The following GRIP1 variants were observed in gnomAD, a reference collection of about 807,000 sequenced individuals.
GRIP1 encodes the protein glutamate receptor-interacting protein 1.
A neutral mutation model predicts 129.9 loss-of-function variants in GRIP1; 45 were observed. That is an observed-to-expected ratio of 0.35 (90% confidence interval 0.27 to 0.44). The LOEUF (loss-of-function observed/expected upper bound fraction) is 0.44, where lower values mean the gene tolerates loss of function less well. Ranked by LOEUF, GRIP1 falls within the 20% of genes least tolerant of loss-of-function variation. The probability of loss-of-function intolerance (pLI) is 1.00; values close to 1 mark genes in which losing one functional copy is unlikely to be tolerated. For synonymous variants in GRIP1, 530 were observed against 520.8 expected, an observed-to-expected ratio of 1.02 and a Z score of -0.24; for missense variants, 1,196 against 1,396.8, an observed-to-expected ratio of 0.86 and a Z score of 2.29.
chr12:66,421,235 A>AATT (rs1292654695), intron 14 of GRIP1, among the ~76,000 whole-genome samples: 3 of 152,116 alleles, frequency 2.0e-5, no homozygotes, highest in African/African-American at 7.2e-5. Context: ...AGTGGATAAG[A>AATT]ATTACTGATT....
chr12:66,458,268 G>GT (rs1266024310), intron 9 of GRIP1, among the ~76,000 whole-genome samples: 1 of 152,146 alleles, frequency 6.6e-6, no homozygotes, highest in African/African-American at 2.4e-5. Context: ...CTAGGCCACT[G>GT]TAACACCTTC....
intron 1 of GRIP1, among the ~76,000 whole-genome samples, chr12:67,008,537 C>T (rs2042660246): frequency 6.6e-6 from 1 of 152,124 alleles, no homozygotes; most frequent in South Asian, 2.1e-4. Context: ...CAGTTGGGCA[C>T]AGTGGTTATG....
intron 1 of GRIP1, among the ~76,000 whole-genome samples, chr12:66,627,235 A>G (rs1412250982): frequency 6.6e-6 from 1 of 151,934 alleles, no homozygotes; most frequent in Non-Finnish European, 1.5e-5. Flanking sequence ...CTGTACTGCT[A>G]AGGAGACTGC....
intron 1 of GRIP1, among the ~76,000 whole-genome samples, chr12:66,685,620 A>G (rs1649865552): frequency 6.6e-6 from 1 of 152,202 alleles, no homozygotes; most frequent in Admixed American, 6.5e-5. Flanking sequence ...AAAGAAACAC[A>G]GCTACTTCAA....
chr12:66,527,015 G>C lies in GRIP1; in HGVS notation c.502+2816C>G, dbSNP rs181036226. On this transcript the variant is annotated intron_variant, in intron 5 of 24. Coordinates refer to ENST00000359742, the MANE Select transcript of GRIP1 (RefSeq NM_001366722.1). ...CAGTTAGAATGGCGATCATTAAAAA[G>C]TCAGGTAACAACAGGTGCTGGAGAG... 1.2e-4 allele frequency among the ~76,000 whole-genome samples: 16 copies of C among 138,838 alleles called. 1 individual carries two copies. In the East Asian group the frequency reaches 3.2e-3, roughly 28 times the overall value. The allele number at this position is 138,838 out of a possible 152,430, so 91.1% of individuals were successfully genotyped here.
chr12:66,666,943 G>T (rs1452615684), intron 1 of GRIP1, among the ~76,000 whole-genome samples: 1 of 151,612 alleles, frequency 6.6e-6, no homozygotes, highest in Non-Finnish European at 1.5e-5. Context: ...TCCTTTATAG[G>T]AAACCTATTT....
At chr12:66,793,384 A>C (rs1051945830) in intron 1 of GRIP1, among the ~76,000 whole-genome samples, 8 of 152,182 alleles carry the variant, frequency 5.3e-5, no homozygotes, top group Non-Finnish European at 1.2e-4. Flanking sequence ...CCTTGGTGAT[A>C]AATTTTCTTC....
Position 66,708,996 on chromosome 12 carries a change from A to G in GRIP1, c.-419-78660T>C, listed in dbSNP as rs114090018. On this transcript the variant is annotated intron_variant, in intron 1 of 4. Coordinates refer to the GRIP1 transcript ENST00000538373. ...ATTACCATGTGACATGATTTTTACA[A>G]CCAGAGGAAATTAATATAAAAGAAA... 2.9e-3 allele frequency among the ~76,000 whole-genome samples: 440 copies of G among 151,952 alleles called. 1 individual carries two copies. The highest frequency in any genetic ancestry group is 0.01 in the African/African-American group (422 of 41,522).
intron 2 of GRIP1, among the ~76,000 whole-genome samples, chr12:66,594,121 C>T (rs547228417): frequency 3.3e-5 from 5 of 150,050 alleles, no homozygotes; most frequent in Non-Finnish European, 7.4e-5. Context: ...TTTGCTTACT[C>T]CCCAGCAGCT....
intron 1 of GRIP1, among the ~76,000 whole-genome samples, chr12:66,930,105 CTTTTT>C (rs201467691): frequency 1.5e-5 from 2 of 130,774 alleles, no homozygotes; most frequent in Non-Finnish European, 3.3e-5. Flanking sequence ...CCTTTATACT[CTTTTT>C]TTTTTATTAT....
intron 1 of GRIP1, among the ~76,000 whole-genome samples, chr12:66,836,505 T>G (rs748292651): frequency 1.2e-4 from 18 of 152,164 alleles, no homozygotes; most frequent in Non-Finnish European, 2.6e-4. Context: ...ACTAAAAGAA[T>G]TCCCCCAACC....
chr12:66,646,421 C>T (rs1159150285), intron 1 of GRIP1, among the ~76,000 whole-genome samples: 2 of 152,048 alleles, frequency 1.3e-5, no homozygotes, highest in Non-Finnish European at 2.9e-5. Flanking sequence ...GTCTGGAGTT[C>T]GAGACCAGCC....
intron 13 of GRIP1, among the ~76,000 whole-genome samples, chr12:66,438,224 C>T (rs1252568947): frequency 6.6e-6 from 1 of 152,174 alleles, no homozygotes; most frequent in Non-Finnish European, 1.5e-5. Context: ...CAAACCTAAG[C>T]TGGGCCATTA....
At chr12:66,804,318 G>C (rs1302269570), upstream of GRIP1, 4 of 236,428 alleles carry the variant, frequency 1.7e-5, no homozygotes, top group Non-Finnish European at 3.6e-5. Context: ...ATCTACCTCT[G>C]GGCTACCATC....
intron 1 of GRIP1, among the ~76,000 whole-genome samples, chr12:66,930,096 CT>C (rs551252329): frequency 9.7e-4 from 141 of 145,354 alleles, no homozygotes; most frequent in African/African-American, 3.6e-3. Flanking sequence ...TTCTTTTGGC[CT>C]TTATACTCTT....
intron 1 of GRIP1, among the ~76,000 whole-genome samples, chr12:67,048,292 A>G (rs1414751063): frequency 1.3e-5 from 2 of 152,220 alleles, no homozygotes; most frequent in African/African-American, 4.8e-5. Context: ...CAACATATAC[A>G]TTGTAGAAAC....
At chr12:66,724,298 G>T (rs1000103619) in intron 1 of GRIP1, among the ~76,000 whole-genome samples, 3 of 152,142 alleles carry the variant, frequency 2.0e-5, no homozygotes, top group Non-Finnish European at 4.4e-5. Context: ...AGCAGATGGG[G>T]TGCCACTGAC....
intron 1 of GRIP1, among the ~76,000 whole-genome samples, chr12:66,896,017 T>C (rs17103074): frequency 0.013 from 1,921 of 152,260 alleles, 45 homozygotes; most frequent in African/African-American, 0.044. Context: ...TAGCAAGATA[T>C]TAACAAATTT....
intron 1 of GRIP1, among the ~76,000 whole-genome samples, chr12:66,676,896 C>A (rs1243992346): frequency 6.6e-6 from 1 of 152,106 alleles, no homozygotes; most frequent in Non-Finnish European, 1.5e-5. Flanking sequence ...CACTTTGGAA[C>A]AAGAAGCATG....
Sources: gnomAD v4.1 joint callset for allele counts (sites outside exome capture counted in the v4.1 genomes callset) on GRCh38, gnomAD v4.1.1 for gene constraint, MANE v1.5 for transcripts, NCBI Gene and HGNC (gene_info 2026-07-23, HGNC 2026-07-21) for gene names.